PACRGL: variants seen among roughly 807,000 people sequenced by gnomAD.
PACRGL encodes parkin coregulated like, also known as PACRG-like protein.
PACRGL carries 38 observed loss-of-function variants against 34.5 expected under a neutral mutation model. The ratio of observed to expected loss-of-function variants is 1.10; its 90% CI spans 0.85 to 1.44. PACRGL has a LOEUF of 1.44. PACRGL is among the 40% of genes most tolerant of loss of function. The pLI, the probability that PACRGL is intolerant of heterozygous loss-of-function variation, is 0.00. For synonymous variants in PACRGL, 128 were observed against 100.1 expected, an observed-to-expected ratio of 1.28 and a Z score of -1.66; for missense variants, 305 against 281.4, an observed-to-expected ratio of 1.08 and a Z score of -0.60.
downstream of PACRGL, chr4:20,734,618 C>T (rs369667391): frequency 5.2e-5 from 62 of 1,190,410 alleles, 1 homozygote; most frequent in Middle Eastern, 7.9e-4. Context: ...GTTGGTGAGG[C>T]ATCCCTTACC....
At chr4:20,709,930 T>C (rs903113780) in intron 5 of PACRGL, 157 bp downstream of exon 5, 1 of 578,548 alleles carries the variant, frequency 1.7e-6, no homozygotes, top group Admixed American at 3.2e-5. Flanking sequence ...GAATGAATTA[T>C]GATTCTTATA....
intron 7 of PACRGL, among the ~76,000 whole-genome samples, chr4:20,724,131 C>T (rs575588108): frequency 9.1e-4 from 139 of 152,240 alleles, no homozygotes; most frequent in African/African-American, 3.2e-3. Flanking sequence ...CTTTTCTGAG[C>T]TGCAAATGTA....
rs1378373275 is a variant in PACRGL, at chr4:20,729,362, T to C, written c.*2021T>C. ...AATAGAAAACAGCCTGTAAGAAAGA[T>C]TGAACAAATCCAAAATTATTATATA... On this transcript the variant is annotated 3_prime_UTR_variant, in exon 9 of 9. Coordinates refer to ENST00000503585, the MANE Select transcript of PACRGL (RefSeq NM_001258345.3). 1.3e-5 allele frequency: 2 copies of C among 151,562 alleles called. No individual in the cohort carries two copies. The highest frequency in any genetic ancestry group is 2.4e-5 in the African/African-American group (1 of 41,362). The allele number at this position is 151,562 out of a possible 1,614,324, so 9.4% of individuals were successfully genotyped here.
chr4:20,742,891 C>T (rs1008012733), intron 8 of PACRGL, among the ~76,000 whole-genome samples: 1 of 152,044 alleles, frequency 6.6e-6, no homozygotes, highest in African/African-American at 2.4e-5. Flanking sequence ...AATCAATGTG[C>T]AAAAATCACA....
chr4:20,706,216 ATC>A (rs1560295790), intron 3 of PACRGL, among the ~76,000 whole-genome samples: 2 of 152,120 alleles, frequency 1.3e-5, no homozygotes. Context: ...AACCATGATT[ATC>A]TCTAGAATAA....
chr4:20,743,619 T>C (rs1221217439), intron 8 of PACRGL, among the ~76,000 whole-genome samples: 2 of 152,108 alleles, frequency 1.3e-5, no homozygotes, highest in Non-Finnish European at 2.9e-5. Context: ...AAAAATTAAT[T>C]CAAGATGGAT....
At chr4:20,756,728 A>G (rs1414209057), downstream of PACRGL, among the ~76,000 whole-genome samples, 1 of 151,940 alleles carries the variant, frequency 6.6e-6, no homozygotes, top group Non-Finnish European at 1.5e-5. Flanking sequence ...GCCACATCCC[A>G]AAGAGACCTT....
At chr4:20,707,703 T>TG in intron 3 of PACRGL, 100 bp from the exon 4 acceptor site, 1 of 872,420 alleles carries the variant, frequency 1.1e-6, no homozygotes, top group Admixed American at 1.9e-5. Context: ...GTAGAAACGG[T>TG]GCGCTTCGAT....
chr4:20,728,720 C>T lies in PACRGL; in HGVS notation c.*1379C>T, dbSNP rs1746802717. Reference sequence around the variant, plus strand: ...ATTTCAGTGTACATGTATTGTACTACTCTTAATTTCTACACTGGTGATAGC... The same window carrying T: ...ATTTCAGTGTACATGTATTGTACTATTCTTAATTTCTACACTGGTGATAGC... On this transcript the variant is annotated 3_prime_UTR_variant, in exon 9 of 9. Coordinates refer to ENST00000503585, the MANE Select transcript of PACRGL (RefSeq NM_001258345.3). 6.6e-6 allele frequency: 1 copy of T among 152,576 alleles called. No individual in the cohort carries two copies. The highest frequency in any genetic ancestry group is 2.1e-4 in the South Asian group (1 of 4,828). 9.5% of individuals were successfully genotyped at this position (152,576 alleles called of 1,614,324 possible). A position where few individuals can be genotyped will look rare whatever the true frequency, so the allele number is the denominator to read the frequency against.
chr4:20,746,761 T>A (rs1306097360), intron 8 of PACRGL, among the ~76,000 whole-genome samples: 2 of 152,138 alleles, frequency 1.3e-5, no homozygotes, highest in Non-Finnish European at 2.9e-5. Flanking sequence ...GGAGATTAGA[T>A]CCCATCATAC....
intron 8 of PACRGL, among the ~76,000 whole-genome samples, chr4:20,743,146 T>C (rs1001461581): frequency 1.9e-4 from 29 of 151,978 alleles, no homozygotes; most frequent in South Asian, 8.3e-4. Flanking sequence ...GAACATTCCA[T>C]GTTCATGGAT....
chr4:20,758,815 A>T, the PACRGL span: 1 of 1,607,902 alleles, frequency 6.2e-7, no homozygotes, highest in Non-Finnish European at 8.5e-7. Context: ...CCACATTTGT[A>T]CTTACCTCCC....
chr4:20,708,144 A>G (rs539833196), intron 4 of PACRGL, among the ~76,000 whole-genome samples: 73 of 152,256 alleles, frequency 4.8e-4, no homozygotes, highest in Non-Finnish European at 8.4e-4. Flanking sequence ...CAATTTAAGC[A>G]TTTGCAGGCT....
At chr4:20,741,097 C>A (rs1020685562) in intron 8 of PACRGL, among the ~76,000 whole-genome samples, 1 of 152,268 alleles carries the variant, frequency 6.6e-6, no homozygotes, top group East Asian at 1.9e-4. Context: ...TACAAAGAGA[C>A]TTAGACTCCC....
At chr4:20,708,824 A>G (rs1735736568) in intron 4 of PACRGL, among the ~76,000 whole-genome samples, 1 of 152,146 alleles carries the variant, frequency 6.6e-6, no homozygotes, top group African/African-American at 2.4e-5. Context: ...GTATACTGTA[A>G]ATACATGCAG....
intron 5 of PACRGL, among the ~76,000 whole-genome samples, chr4:20,712,316 C>A (rs956137848): frequency 6.7e-6 from 1 of 149,368 alleles, no homozygotes; most frequent in African/African-American, 2.5e-5. Flanking sequence ...GTCTCATGTA[C>A]AGTTGGCCCT....
the PACRGL span, among the ~76,000 whole-genome samples, chr4:20,761,129 T>C: frequency 6.6e-6 from 1 of 152,152 alleles, no homozygotes; most frequent in Non-Finnish European, 1.5e-5. Flanking sequence ...AGAAAGAGTG[T>C]TCTTCAGACA....
the PACRGL span, among the ~76,000 whole-genome samples, chr4:20,759,230 A>G: frequency 5.3e-5 from 8 of 152,118 alleles, no homozygotes; most frequent in African/African-American, 1.9e-4. Flanking sequence ...CAAGATGTTT[A>G]TAATATAGTC....
intron 7 of PACRGL, among the ~76,000 whole-genome samples, chr4:20,716,909 A>G (rs1740321266): frequency 6.6e-6 from 1 of 152,238 alleles, no homozygotes. Flanking sequence ...GAATCGCCAC[A>G]CTGTCTTACA....
Sources: allele counts gnomAD v4.1 joint callset (sites outside exome capture counted in the v4.1 genomes callset), GRCh38; gene constraint gnomAD v4.1.1; transcripts MANE v1.5; gene names NCBI Gene and HGNC (gene_info 2026-07-23, HGNC 2026-07-21).